The following ERGIC1 variants were observed in gnomAD, a reference collection of about 807,000 sequenced individuals.
ERGIC1 encodes the protein endoplasmic reticulum-golgi intermediate compartment 1.
Under a neutral mutation model 38.3 loss-of-function variants are expected in ERGIC1, and 19 were observed. That is an observed-to-expected ratio of 0.50 (90% CI 0.35 to 0.73). The LOEUF is 0.73. Among genes scored for constraint, ERGIC1 ranks in the 30% least tolerant of loss-of-function variants. The pLI, the probability that ERGIC1 is intolerant of heterozygous loss-of-function variation, is 0.01. For synonymous variants in ERGIC1, 124 were observed against 157.6 expected, an observed-to-expected ratio of 0.79 and a Z score of 1.60; for missense variants, 294 against 389.2, an observed-to-expected ratio of 0.76 and a Z score of 2.06.
At chr5:172,859,339 C>A (rs1324777668) in intron 1 of ERGIC1, among the ~76,000 whole-genome samples, 1 of 152,194 alleles carries the variant, frequency 6.6e-6, no homozygotes, top group Non-Finnish European at 1.5e-5. Context: ...GGGCCAGAAC[C>A]TTTGAGCTCC....
At chr5:172,928,821 T>C (rs144959164) in intron 7 of ERGIC1, among the ~76,000 whole-genome samples, 9 of 152,310 alleles carry the variant, frequency 5.9e-5, no homozygotes, top group African/African-American at 2.2e-4. Context: ...TTAACTCTGC[T>C]AAGCCTCAGT....
At chr5:172,940,360 G>A (rs375421731) in intron 9 of ERGIC1, among the ~76,000 whole-genome samples, 26 of 152,222 alleles carry the variant, frequency 1.7e-4, no homozygotes, top group African/African-American at 4.8e-4. Context: ...ACATTCCAGC[G>A]CCAAGGGAAT....
At chr5:172,908,315 G>GTGC (rs1220727272) in intron 3 of ERGIC1, among the ~76,000 whole-genome samples, 1 of 8,348 alleles carries the variant, frequency 1.2e-4, no homozygotes, top group South Asian at 0.012. Flanking sequence ...GCGGGGGGGG[G>GTGC]GGGAGAGAGG....
chr5:172,861,518 A>G (rs1364128481), intron 1 of ERGIC1, among the ~76,000 whole-genome samples: 1 of 152,042 alleles, frequency 6.6e-6, no homozygotes, highest in African/African-American at 2.4e-5. Flanking sequence ...GATGCTGACT[A>G]CTCGTTGGCT....
intron 1 of ERGIC1, among the ~76,000 whole-genome samples, chr5:172,875,948 A>G (rs1648593817): frequency 6.6e-6 from 1 of 152,192 alleles, no homozygotes; most frequent in Admixed American, 6.5e-5. Flanking sequence ...TGAATCATGT[A>G]ACCTGTTCCT....
Position 172,837,332 on chromosome 5 carries a change from C to T in ERGIC1, c.20+2899C>T, listed in dbSNP as rs1420581497. ...TGAGGCAGTGCGGAAAGCATTTAGACACAGAGTAAGCGCCTCATCCATTTT... is the reference window on the plus strand; with the variant it reads ...TGAGGCAGTGCGGAAAGCATTTAGATACAGAGTAAGCGCCTCATCCATTTT... On this transcript the variant is annotated intron_variant, in intron 1 of 9. Transcript: ENST00000393784. The surrounding 1 kb of genome is among the most constrained non-coding windows in gnomAD (Gnocchi z 4.3). Among the ~76,000 whole-genome samples, 1 of 152,212 alleles carries T rather than the reference C, an allele frequency of 6.6e-6. No individual in the cohort carries two copies. Among genetic ancestry groups the T allele is most frequent in the Non-Finnish European group, 1.5e-5 (1 of 68,038 alleles).
chr5:172,852,411 G>A (rs1761432903), intron 1 of ERGIC1, among the ~76,000 whole-genome samples: 1 of 151,936 alleles, frequency 6.6e-6, no homozygotes, highest in Non-Finnish European at 1.5e-5. Flanking sequence ...TTCTTAGTGG[G>A]CTTCCTGCTG....
At chr5:172,855,098 C>T (rs1266994935) in intron 1 of ERGIC1, among the ~76,000 whole-genome samples, 1 of 152,174 alleles carries the variant, frequency 6.6e-6, no homozygotes, top group Non-Finnish European at 1.5e-5. Flanking sequence ...CTGTGTTCCC[C>T]CAACGGACAG....
In ERGIC1 at chr5:172,935,273, C is replaced by G. The variant is rs1410803507; in HGVS notation, c.728C>G (p.Thr243Arg). The G allele has an allele frequency of 1.2e-6, 2 of 1,614,186 alleles. No individual in the cohort carries two copies. The highest frequency in any genetic ancestry group is 1.7e-6 in the Non-Finnish European group (2 of 1,180,050). The change falls in exon 9 of 10, where the codon ACA (threonine) becomes AGA (arginine). Residue 243 changes from threonine to arginine, a missense_variant. Physicochemically the swap from Thr to Arg is moderately conservative, Grantham distance 71 (BLOSUM62 -1). This residue lies in a region of ERGIC1 where 109 missense variants were observed against 112.7 expected (regional missense o/e 0.97). Coordinates refer to ENST00000393784, the MANE Select transcript of ERGIC1 (RefSeq NM_001031711.3). ...YDLSPITVKY[T>R]ERRQPLYRFI... ...CTCAGCCCCATCACGGTCAAGTACA[C>G]AGAGAGACGGCAGCCGCTGTACAGA... is the stretch of plus-strand genomic sequence containing the variant.
intron 9 of ERGIC1, among the ~76,000 whole-genome samples, chr5:172,940,163 G>T (rs1377473792): frequency 1.3e-5 from 2 of 152,120 alleles, no homozygotes; most frequent in Non-Finnish European, 2.9e-5. Context: ...CAGATGCATT[G>T]CCAAGTGTTT....
At chr5:172,841,499 C>T (rs989471029) in intron 1 of ERGIC1, among the ~76,000 whole-genome samples, 16 of 152,222 alleles carry the variant, frequency 1.1e-4, no homozygotes, top group African/African-American at 3.6e-4. Flanking sequence ...AAGGCAGATC[C>T]GCTTGAAATG....
chr5:172,900,433 G>A (rs1453586889), intron 3 of ERGIC1, among the ~76,000 whole-genome samples: 6 of 152,248 alleles, frequency 3.9e-5, no homozygotes, highest in South Asian at 2.1e-4. Flanking sequence ...GGGGCCAGGT[G>A]CAGTGGCTCA....
chr5:172,840,199 C>T lies in ERGIC1; in HGVS notation c.20+5766C>T, dbSNP rs117775050. On this transcript the variant is annotated intron_variant, in intron 1 of 9. Transcript: ENST00000393784. Reference sequence around the variant, plus strand: ...TTCCAGCTTAGAGCATCATGTTTACCTGCTCGCGGGGACATGGAATGAGAT... The same window carrying T: ...TTCCAGCTTAGAGCATCATGTTTACTTGCTCGCGGGGACATGGAATGAGAT... Among the ~76,000 whole-genome samples, 1,484 of 152,266 alleles carry T rather than the reference C, an allele frequency of 9.7e-3. 46 individuals are homozygous for T. The highest frequency in any genetic ancestry group is 0.062 in the Admixed American group (942 of 15,296).
chr5:172,873,535 T>A (rs1331807390), intron 1 of ERGIC1, among the ~76,000 whole-genome samples: 1 of 152,212 alleles, frequency 6.6e-6, no homozygotes, highest in Non-Finnish European at 1.5e-5. Flanking sequence ...TGCCACGGCC[T>A]GCTGTCAGCA....
intron 1 of ERGIC1, among the ~76,000 whole-genome samples, chr5:172,886,650 G>A (rs1762426828): frequency 6.6e-6 from 1 of 152,210 alleles, no homozygotes; most frequent in African/African-American, 2.4e-5. Context: ...TTTCTGGGGT[G>A]CCAGGCTCTG....
intron 3 of ERGIC1, among the ~76,000 whole-genome samples, chr5:172,907,904 T>C (rs1763076580): frequency 6.6e-6 from 1 of 152,182 alleles, no homozygotes; most frequent in South Asian, 2.1e-4. Flanking sequence ...TCTGATTCAT[T>C]GCTGCTTCTG....
At chr5:172,870,006 A>C (rs1761961251) in intron 1 of ERGIC1, among the ~76,000 whole-genome samples, 1 of 152,168 alleles carries the variant, frequency 6.6e-6, no homozygotes, top group Non-Finnish European at 1.5e-5. Flanking sequence ...TCTTGACCAC[A>C]CAGGAACTCC....
chr5:172,893,935 G>GTGTGTGTGTGTATATA lies in ERGIC1; in HGVS notation c.83-3066_83-3065insGTGTGTGTGTATATAT, dbSNP rs1429850022. Among the ~76,000 whole-genome samples the GTGTGTGTGTGTATATA allele has an allele frequency of 4.4e-4, 19 of 42,812 alleles. 1 individual carries two copies. The highest frequency in any genetic ancestry group is 8.1e-4 in the Admixed American group (3 of 3,716). The allele number at this position is 42,812 out of a possible 152,430, so 28.1% of individuals were successfully genotyped here. ...TGTGTGTGTGTGTGTGTGTGTGTGTGTATATATATATATATATATTTAAAT... is the reference window on the plus strand; with the variant it reads ...TGTGTGTGTGTGTGTGTGTGTGTGTGTGTGTGTGTGTATATATATATATATATATATATATTTAAAT... On this transcript the variant is annotated intron_variant, in intron 2 of 9. Transcript: ENST00000393784.
At chr5:172,914,653 C>T (rs1210224232) in intron 4 of ERGIC1, 61 bp from the exon 5 acceptor site, 2 of 1,613,214 alleles carry the variant, frequency 1.2e-6, no homozygotes, top group East Asian at 2.2e-5. Context: ...AGAGAACAGG[C>T]TGGCCCCCAT....
Sources: allele counts gnomAD v4.1 joint callset (sites outside exome capture counted in the v4.1 genomes callset), GRCh38; gene constraint gnomAD v4.1.1; regional missense constraint gnomAD v4.1.1; non-coding constraint Gnocchi (gnomAD v3.1); transcripts MANE v1.5; gene names NCBI Gene and HGNC (gene_info 2026-07-23, HGNC 2026-07-21).